Variants in RORA observed in about 807,000 individuals in gnomAD.
The protein encoded by RORA is RAR related orphan receptor A.
In RORA, 7 loss-of-function variants were observed where a neutral mutation model predicts 69.5. The observed-to-expected ratio is 0.10, with a 90% confidence interval of 0.06 to 0.19. RORA has a LOEUF of 0.19. Ranked by LOEUF, RORA falls within the 10% of genes least tolerant of loss-of-function variation. The probability of loss-of-function intolerance (pLI) is 1.00; values close to 1 mark genes in which losing one functional copy is unlikely to be tolerated. For synonymous variants in RORA, 261 were observed against 240.8 expected, an observed-to-expected ratio of 1.08 and a Z score of -0.78; for missense variants, 457 against 663.0, an observed-to-expected ratio of 0.69 and a Z score of 3.41.
At chr15:60,597,101 A>G (rs1596034811) in intron 2 of RORA, among the ~76,000 whole-genome samples, 1 of 152,190 alleles carries the variant, frequency 6.6e-6, no homozygotes. Context: ...GCCCATTGAA[A>G]AGATGTTTGC....
chr15:60,499,681 T>G (rs1014929004), intron 10 of RORA, among the ~76,000 whole-genome samples: 4 of 152,278 alleles, frequency 2.6e-5, no homozygotes, highest in Non-Finnish European at 5.9e-5. Flanking sequence ...CAGGACACTT[T>G]GTAATCAACG....
In RORA at chr15:60,511,961, C is replaced by G. The variant is rs1198070155; in HGVS notation, c.425-340G>C. 4.5e-5 allele frequency: 11 copies of G among 243,570 alleles called. No individual in the cohort carries two copies. Among genetic ancestry groups the G allele is most frequent in the Non-Finnish European group, 7.2e-5 (9 of 124,600 alleles). The allele number at this position is 243,570 out of a possible 1,614,324, so 15.1% of individuals were successfully genotyped here. ...ACTTAATGGGCTTGTTCACTCTCCC[C>G]CCGTGCAGCTGGCTTAGGCTACCTC... On this transcript the variant is annotated intron_variant, in intron 4 of 10. Coordinates refer to ENST00000335670, the MANE Select transcript of RORA (RefSeq NM_134261.3). The surrounding 1 kb of genome is among the most constrained non-coding windows in gnomAD (Gnocchi z 6.4).
Position 60,621,282 on chromosome 15 carries a change from C to T in RORA, c.196+57375G>A, listed in dbSNP as rs1385862320. On this transcript the variant is annotated intron_variant, in intron 2 of 10. Transcript: ENST00000335670. The stretch of plus-strand genomic sequence containing the variant: ...GGCTTCCATTTGTCTATTTGCCCAT[C>T]CATTTTTTAACAAACATCTCCTAAG... Among the ~76,000 whole-genome samples, 5 of 152,128 alleles carry T rather than the reference C, an allele frequency of 3.3e-5. No homozygotes were observed. In the East Asian group the frequency reaches 7.7e-4, roughly 23 times the overall value.
At chr15:61,040,439 G>A (rs1043405205) in intron 1 of RORA, among the ~76,000 whole-genome samples, 1 of 151,542 alleles carries the variant, frequency 6.6e-6, no homozygotes, top group Non-Finnish European at 1.5e-5. Flanking sequence ...TTATCTTCTC[G>A]CAAAACATTG....
At chr15:60,552,290 C>G (rs139436306) in intron 2 of RORA, among the ~76,000 whole-genome samples, 29 of 152,146 alleles carry the variant, frequency 1.9e-4, no homozygotes, top group Non-Finnish European at 3.7e-4. Flanking sequence ...GCTTATCTTG[C>G]TTTTTGAAAA....
At chr15:60,907,949 A>G (rs1891591742) in intron 1 of RORA, among the ~76,000 whole-genome samples, 1 of 152,146 alleles carries the variant, frequency 6.6e-6, no homozygotes. Flanking sequence ...TCCTTCTCTA[A>G]TGGGACTCCC....
chr15:61,129,636 A>T (rs2079172824), intron 1 of RORA, among the ~76,000 whole-genome samples: 2 of 152,248 alleles, frequency 1.3e-5, no homozygotes, highest in Admixed American at 1.3e-4. Flanking sequence ...ACTGTTTTAA[A>T]TGGTAGAGTT....
At chr15:60,829,521 A>G (rs1354317688) in intron 1 of RORA, among the ~76,000 whole-genome samples, 1 of 152,190 alleles carries the variant, frequency 6.6e-6, no homozygotes, top group Non-Finnish European at 1.5e-5. Context: ...TTGACTAGGA[A>G]GAAACTTCAC....
At chr15:61,215,228 T>C (rs1284514643) in intron 1 of RORA, among the ~76,000 whole-genome samples, 1 of 152,004 alleles carries the variant, frequency 6.6e-6, no homozygotes, top group Non-Finnish European at 1.5e-5. Flanking sequence ...AGCAGCCATG[T>C]TGGACACTGC....
chr15:60,929,149 A>G (rs948795835), intron 1 of RORA, among the ~76,000 whole-genome samples: 3 of 152,150 alleles, frequency 2.0e-5, no homozygotes, highest in African/African-American at 4.8e-5. Flanking sequence ...AAATAACCCA[A>G]TGAAGGTGTC....
At chr15:61,184,639 C>G (rs566348302) in intron 1 of RORA, among the ~76,000 whole-genome samples, 3 of 152,168 alleles carry the variant, frequency 2.0e-5, no homozygotes, top group African/African-American at 7.2e-5. Flanking sequence ...TAGGGGAGTA[C>G]TTGGCATACA....
intron 1 of RORA, among the ~76,000 whole-genome samples, chr15:60,788,357 G>T (rs2072368946): frequency 6.6e-6 from 1 of 152,154 alleles, no homozygotes; most frequent in African/African-American, 2.4e-5. Flanking sequence ...GGTGGGGTGG[G>T]GAATGCTTTC....
intron 1 of RORA, among the ~76,000 whole-genome samples, chr15:60,954,250 C>G (rs1317487498): frequency 7.6e-6 from 1 of 131,116 alleles, no homozygotes; most frequent in African/African-American, 2.9e-5. Context: ...AATGAGATCA[C>G]ATGGACACAG....
At chr15:60,872,352 T>C (rs1214964368) in intron 1 of RORA, among the ~76,000 whole-genome samples, 1 of 152,080 alleles carries the variant, frequency 6.6e-6, no homozygotes, top group African/African-American at 2.4e-5. Flanking sequence ...GAGCAAGACG[T>C]TGGGTATCTT....
At chr15:61,139,138 C>T (rs1418177740) in intron 1 of RORA, among the ~76,000 whole-genome samples, 3 of 150,642 alleles carry the variant, frequency 2.0e-5, no homozygotes, top group Admixed American at 6.6e-5. Flanking sequence ...AGCGAGACTC[C>T]GTCTAAAAAA....
At position 60,932,175 on chromosome 15, in the gene RORA, A is replaced by G. The variant is rs186562016; in HGVS notation, c.167-253489T>C. On this transcript the variant is annotated intron_variant, in intron 1 of 10. Transcript: ENST00000335670. ...AGAATTCATGGTATTTGAAATGTCCAAGATTACTAATGAGGGGAAAATCTG... is the reference window on the plus strand; with the variant it reads ...AGAATTCATGGTATTTGAAATGTCCGAGATTACTAATGAGGGGAAAATCTG... Among the ~76,000 whole-genome samples, 15 of 152,304 alleles carry G rather than the reference A, an allele frequency of 9.8e-5. No homozygotes were observed. The East Asian group carries it at 2.9e-3, about 29-fold the overall frequency.
chr15:60,873,319 T>C (rs78713106), intron 1 of RORA, among the ~76,000 whole-genome samples: 1,781 of 151,974 alleles, frequency 0.012, 23 homozygotes, highest in Non-Finnish European at 0.019. Flanking sequence ...GTTATCTTAA[T>C]CATTTAGCCA....
At position 60,495,240 on chromosome 15, in the gene RORA, T is replaced by C. The variant is rs1195843625; in HGVS notation, c.*2215A>G. 6.6e-6 allele frequency: 1 copy of C among 152,190 alleles called. No individual in the cohort carries two copies. The highest frequency in any genetic ancestry group is 1.5e-5 in the Non-Finnish European group (1 of 68,038). 9.4% of individuals were successfully genotyped at this position (152,190 alleles called of 1,614,324 possible). ...CTTTTCAGAGTATAAATACTACTGA[T>C]CTTTAAAGGAACTATGCTTACTTAA... is the stretch of plus-strand genomic sequence containing the variant. On this transcript the variant is annotated 3_prime_UTR_variant, in exon 11 of 11. Coordinates refer to ENST00000335670, the MANE Select transcript of RORA (RefSeq NM_134261.3).
At chr15:60,745,956 T>A (rs953119469) in intron 1 of RORA, among the ~76,000 whole-genome samples, 3 of 152,116 alleles carry the variant, frequency 2.0e-5, no homozygotes, top group African/African-American at 7.2e-5. Context: ...ATGAAAAAAA[T>A]GTCTACTACC....
Sources: allele counts gnomAD v4.1 joint callset (sites outside exome capture counted in the v4.1 genomes callset), GRCh38; gene constraint gnomAD v4.1.1; non-coding constraint Gnocchi (gnomAD v3.1); transcripts MANE v1.5; gene names NCBI Gene and HGNC (gene_info 2026-07-23, HGNC 2026-07-21).